The following TIAM2 variants were observed in gnomAD, a reference collection of about 807,000 sequenced individuals.
The protein encoded by TIAM2 is rho guanine nucleotide exchange factor TIAM2.
In TIAM2, 80 loss-of-function variants were observed where a neutral mutation model predicts 152.9. The ratio of observed to expected loss-of-function variants is 0.52; its 90% confidence interval spans 0.44 to 0.63. The LOEUF is 0.63. TIAM2 is among the 30% of genes least tolerant of loss of function. TIAM2 has a pLI of 0.00. For synonymous variants in TIAM2, 804 were observed against 838.0 expected, an observed-to-expected ratio of 0.96 and a Z score of 0.70; for missense variants, 1,965 against 2,120.1, an observed-to-expected ratio of 0.93 and a Z score of 1.44.
intron 18 of TIAM2, 156 bp downstream of exon 18, chr6:155,244,939 G>A (rs189882087): frequency 2.0e-6 from 2 of 983,422 alleles, no homozygotes; most frequent in South Asian, 2.6e-5. Context: ...CCTCTGTCAG[G>A]TGGTAAAGGA....
In TIAM2 at chr6:155,164,593, A is replaced by G. The variant is rs763454286; in HGVS notation, c.2207A>G (p.His736Arg). 1.2e-5 allele frequency: 19 copies of G among 1,610,720 alleles called. No homozygotes were observed. Among genetic ancestry groups the G allele is most frequent in the Non-Finnish European group, 1.6e-5 (19 of 1,177,660 alleles). The change falls in exon 8 of 27, where the codon CAT becomes CGT. Residue 736 changes from histidine to arginine, a missense_variant. Physicochemically the swap from His to Arg is conservative, Grantham distance 29. Transcript: ENST00000682666. The part of the protein sequence containing the change: ...RLGILSVSSF[H>R]ALVCSRDDSA... Reference sequence around the variant, plus strand: ...GGCATCTTGTCTGTTTCCTCTTTCCATGCTCTGGTAAGTTCCTGAGGAAGG... The same window carrying G: ...GGCATCTTGTCTGTTTCCTCTTTCCGTGCTCTGGTAAGTTCCTGAGGAAGG...
intron 14 of TIAM2, among the ~76,000 whole-genome samples, chr6:155,198,736 G>T (rs1273195894): frequency 6.6e-6 from 1 of 151,010 alleles, no homozygotes; most frequent in Non-Finnish European, 1.5e-5. Flanking sequence ...TGAATTATGG[G>T]GGATAAAAGG....
intron 1 of TIAM2, among the ~76,000 whole-genome samples, chr6:155,032,305 A>T (rs1333021768): frequency 6.6e-6 from 1 of 152,168 alleles, no homozygotes; most frequent in Non-Finnish European, 1.5e-5. Context: ...CTTGCCACTC[A>T]CAGTGTGGTT....
chr6:155,148,089 T>C lies in TIAM2; in HGVS notation c.1804-21T>C, dbSNP rs371776313. ...AGTGGTAAAATGATTCGAAACAGGCTTTCTCCCTCCCTGTGTGTAGGCCAC... is the reference window on the plus strand; with the variant it reads ...AGTGGTAAAATGATTCGAAACAGGCCTTCTCCCTCCCTGTGTGTAGGCCAC... On this transcript the variant is annotated intron_variant, in intron 6 of 26. Coordinates refer to ENST00000682666, the MANE Select transcript of TIAM2 (RefSeq NM_012454.4). 1.9e-6 allele frequency: 3 copies of C among 1,612,314 alleles called. No individual in the cohort carries two copies. In the African/African-American group the frequency reaches 4.0e-5, roughly 22 times the overall value.
intron 15 of TIAM2, among the ~76,000 whole-genome samples, chr6:155,233,729 T>A (rs1311538409): frequency 6.6e-6 from 1 of 151,932 alleles, no homozygotes; most frequent in Non-Finnish European, 1.5e-5. Context: ...AGCAGTTTGG[T>A]GGGAGGATCG....
At chr6:155,031,345 C>T (rs1053663413) in intron 1 of TIAM2, among the ~76,000 whole-genome samples, 2 of 152,170 alleles carry the variant, frequency 1.3e-5, no homozygotes, top group African/African-American at 2.4e-5. Context: ...TGATACTTCA[C>T]ATAACTTTTG....
chr6:155,145,765 C>A (rs978464590), intron 6 of TIAM2, among the ~76,000 whole-genome samples: 1 of 152,130 alleles, frequency 6.6e-6, no homozygotes, highest in Non-Finnish European at 1.5e-5. Flanking sequence ...GTTCTCTAGG[C>A]TGACTTTGGG....
chr6:155,001,936 G>A (rs1475181013), intron 1 of TIAM2, among the ~76,000 whole-genome samples: 1 of 152,082 alleles, frequency 6.6e-6, no homozygotes, highest in Admixed American at 6.6e-5. Flanking sequence ...GATTCTCATT[G>A]CTTTTAAAAT....
intron 8 of TIAM2, 144 bp from the exon 9 acceptor site, chr6:155,165,119 G>C: frequency 1.2e-6 from 1 of 853,188 alleles, no homozygotes; most frequent in Non-Finnish European, 1.8e-6. Context: ...CTATATGATG[G>C]ATGCTTTCCT....
chr6:155,082,409 G>T (rs1394054540), intron 1 of TIAM2, among the ~76,000 whole-genome samples: 1 of 152,032 alleles, frequency 6.6e-6, no homozygotes. Context: ...CCAATACTTT[G>T]GGAGGCTGAG....
At chr6:155,097,097 G>A (rs1459732781) in intron 2 of TIAM2, among the ~76,000 whole-genome samples, 1 of 152,186 alleles carries the variant, frequency 6.6e-6, no homozygotes, top group African/African-American at 2.4e-5. Context: ...TTTCTCTGAT[G>A]ATTAGTGATG....
intron 1 of TIAM2, among the ~76,000 whole-genome samples, chr6:155,040,431 A>G (rs904057230): frequency 2.6e-5 from 4 of 152,208 alleles, no homozygotes; most frequent in African/African-American, 7.2e-5. Flanking sequence ...GAAGCCTAAC[A>G]GCCTAACACA....
intron 15 of TIAM2, among the ~76,000 whole-genome samples, chr6:155,238,141 C>T (rs1400883659): frequency 6.6e-6 from 1 of 152,236 alleles, no homozygotes; most frequent in Non-Finnish European, 1.5e-5. Flanking sequence ...CTTAAATCAT[C>T]TCTCAAGTTC....
Position 155,022,328 on chromosome 6 carries a change from C to G in TIAM2, c.-209+26836C>G, listed in dbSNP as rs571511700. On this transcript the variant is annotated intron_variant, in intron 1 of 26. Coordinates refer to ENST00000682666, the MANE Select transcript of TIAM2 (RefSeq NM_012454.4). ...GCCTGACTGTTTTTTCTTTTTTTCT[C>G]TCACTCTGTTGCCCAGGCTGGAGTA... The G allele has an allele frequency of 5.3e-5, 8 of 152,350 alleles. 2 individuals are homozygous for G. Among genetic ancestry groups the G allele is most frequent in the African/African-American group, 1.7e-4 (7 of 41,532 alleles). 9.4% of individuals were successfully genotyped at this position (152,350 alleles called of 1,614,324 possible). A position where few individuals can be genotyped will look rare whatever the true frequency, so the allele number is the denominator to read the frequency against.
intron 1 of TIAM2, among the ~76,000 whole-genome samples, chr6:155,071,886 A>T (rs1391361202): frequency 6.9e-6 from 1 of 144,684 alleles, no homozygotes; most frequent in Non-Finnish European, 1.5e-5. Flanking sequence ...ACAGAGGGAA[A>T]CTCTGTGTCA....
intron 15 of TIAM2, among the ~76,000 whole-genome samples, chr6:155,215,911 G>C (rs574522438): frequency 4.9e-4 from 74 of 151,936 alleles, no homozygotes; most frequent in African/African-American, 1.8e-3. Context: ...GGGCTCAAAT[G>C]ATCCTCCCAC....
At chr6:155,062,040 G>A (rs1468451189) in intron 1 of TIAM2, among the ~76,000 whole-genome samples, 1 of 152,048 alleles carries the variant, frequency 6.6e-6, no homozygotes, top group Non-Finnish European at 1.5e-5. Context: ...AAAGTATGTA[G>A]CCTTTTTCTG....
chr6:155,226,884 C>G (rs1393144964), intron 15 of TIAM2, among the ~76,000 whole-genome samples: 1 of 152,166 alleles, frequency 6.6e-6, no homozygotes, highest in Non-Finnish European at 1.5e-5. Flanking sequence ...CAGGGCAAGT[C>G]AAGCTGTTTG....
chr6:155,226,672 G>T (rs1782258163), intron 15 of TIAM2, among the ~76,000 whole-genome samples: 1 of 151,728 alleles, frequency 6.6e-6, no homozygotes, highest in Non-Finnish European at 1.5e-5. Flanking sequence ...TCTCGGGTGG[G>T]GGCGGGGGGC....
Sources: gnomAD v4.1 joint callset for allele counts (sites outside exome capture counted in the v4.1 genomes callset) on GRCh38, gnomAD v4.1.1 for gene constraint, MANE v1.5 for transcripts, NCBI Gene and HGNC (gene_info 2026-07-23, HGNC 2026-07-21) for gene names.